Variants in MPHOSPH10 observed in about 807,000 individuals in gnomAD.
The protein encoded by MPHOSPH10 is M-phase phosphoprotein 10, also known as U3 small nucleolar ribonucleoprotein MPP10.
A neutral mutation model predicts 77.3 loss-of-function variants in MPHOSPH10; 33 were observed. The observed-to-expected ratio is 0.43, with a 90% confidence interval of 0.32 to 0.57. The LOEUF is 0.57. Ranked by LOEUF, MPHOSPH10 falls within the 20% of genes least tolerant of loss-of-function variation. MPHOSPH10 has a pLI of 0.07. For synonymous variants in MPHOSPH10, 245 were observed against 268.0 expected, an observed-to-expected ratio of 0.91 and a Z score of 0.84; for missense variants, 708 against 780.1, an observed-to-expected ratio of 0.91 and a Z score of 1.10.
intron 6 of MPHOSPH10, among the ~76,000 whole-genome samples, chr2:71,140,802 G>A (rs1236858289): frequency 6.6e-6 from 1 of 152,144 alleles, no homozygotes. Context: ...GGTTTAAAGG[G>A]TGAGTATCAT....
chr2:71,131,300 G>A (rs890507195), intron 1 of MPHOSPH10, among the ~76,000 whole-genome samples: 1 of 152,200 alleles, frequency 6.6e-6, no homozygotes, highest in African/African-American at 2.4e-5. Flanking sequence ...AGCAACTACA[G>A]ACTGAGCTTA....
At chr2:71,141,876 GA>G (rs1397206701) in intron 7 of MPHOSPH10, among the ~76,000 whole-genome samples, 1 of 151,758 alleles carries the variant, frequency 6.6e-6, no homozygotes, top group Non-Finnish European at 1.5e-5. Flanking sequence ...CTAAAAATAC[GA>G]AAAAATTAGA....
intron 6 of MPHOSPH10, among the ~76,000 whole-genome samples, chr2:71,140,262 T>G (rs746880422): frequency 3.3e-5 from 5 of 152,162 alleles, no homozygotes; most frequent in Non-Finnish European, 5.9e-5. Context: ...GCTGGGTGAC[T>G]TAAAAGGAAT....
At chr2:71,145,440 C>G (rs1463229702) in intron 8 of MPHOSPH10, among the ~76,000 whole-genome samples, 1 of 151,900 alleles carries the variant, frequency 6.6e-6, no homozygotes, top group East Asian at 1.9e-4. Flanking sequence ...CTAGGTGATT[C>G]CCATGCAAAT....
At chr2:71,135,284 G>A (rs377438755) in intron 4 of MPHOSPH10, among the ~76,000 whole-genome samples, 81 of 152,180 alleles carry the variant, frequency 5.3e-4, no homozygotes, top group African/African-American at 1.9e-3. Context: ...GGTGGCTCAT[G>A]CCTGTAATCC....
intron 6 of MPHOSPH10, 84 bp downstream of exon 6, chr2:71,139,946 T>C (rs1673579676): frequency 3.1e-6 from 3 of 956,072 alleles, no homozygotes; most frequent in Admixed American, 2.0e-5. Context: ...AGTAGGACTA[T>C]TGCTTTTTAT....
Position 71,133,107 on chromosome 2 carries a change from A to T in MPHOSPH10, c.299A>T (p.Asn100Ile). The T allele has an allele frequency of 6.2e-7, 1 of 1,614,208 alleles. No homozygotes were observed. Among genetic ancestry groups the T allele is most frequent in the Non-Finnish European group, 8.5e-7 (1 of 1,180,026 alleles). The change falls in exon 2 of 11, where the codon AAT (asparagine) becomes ATT (isoleucine). Residue 100 changes from asparagine (N) to isoleucine (I), a missense_variant. Physicochemically the swap from Asn to Ile is moderately radical, Grantham distance 149 (BLOSUM62 -3). This residue lies in a region of MPHOSPH10 where 433 missense variants were observed against 432.6 expected (regional missense o/e 1.00). Coordinates refer to ENST00000244230, the MANE Select transcript of MPHOSPH10 (RefSeq NM_005791.3). ...YFQNAVSETI[N>I]DEDISLLPES... ...CAGAATGCAGTTAGTGAAACAATTA[A>T]TGATGAAGATATCAGTCTTCTCCCA...
intron 8 of MPHOSPH10, among the ~76,000 whole-genome samples, chr2:71,145,117 A>C (rs532380723): frequency 2.0e-5 from 3 of 152,176 alleles, no homozygotes; most frequent in Admixed American, 2.0e-4. Flanking sequence ...CAGCCCTCTC[A>C]AATGCTCCTC....
intron 5 of MPHOSPH10, 56 bp downstream of exon 5, chr2:71,138,687 C>T: frequency 6.2e-7 from 1 of 1,608,104 alleles, no homozygotes; most frequent in South Asian, 1.1e-5. Flanking sequence ...GGTTCCATTT[C>T]ATACAAAGAT....
In MPHOSPH10 at chr2:71,133,954, A is replaced by G. The variant is rs1673437029; in HGVS notation, c.775A>G (p.Lys259Glu). 1.9e-6 allele frequency: 3 copies of G among 1,563,726 alleles called. No individual in the cohort carries two copies. Among genetic ancestry groups the G allele is most frequent in the Non-Finnish European group, 2.6e-6 (3 of 1,152,626 alleles). The change falls in exon 3 of 11, where the codon AAA becomes GAA. Residue 259 changes from lysine (K) to glutamate (E), a missense_variant. This residue lies in a region of MPHOSPH10 where 433 missense variants were observed against 432.6 expected (regional missense o/e 1.00). Transcript: ENST00000244230. Reference protein sequence around the residue: ...LFGSKKLKSGKSSRNLKYKDF... With the variant: ...LFGSKKLKSGESSRNLKYKDF... ...TAATATCTTTTTATTTTAGTCAGGTAAAAGTTCCAGAAATCTGAAATACAA... is the reference window on the plus strand; with the variant it reads ...TAATATCTTTTTATTTTAGTCAGGTGAAAGTTCCAGAAATCTGAAATACAA...
intron 6 of MPHOSPH10, 128 bp downstream of exon 6, chr2:71,139,990 C>A: frequency 1.5e-6 from 1 of 650,962 alleles, no homozygotes. Flanking sequence ...TAAATCTAGG[C>A]TACCTAGTCA....
At chr2:71,142,619 C>T (rs1413896070) in intron 7 of MPHOSPH10, among the ~76,000 whole-genome samples, 3 of 152,126 alleles carry the variant, frequency 2.0e-5, no homozygotes, top group African/African-American at 7.2e-5. Context: ...TAATGTGGCT[C>T]AGAAAAATGC....
intron 1 of MPHOSPH10, 189 bp downstream of exon 1, chr2:71,130,943 ATC>A: frequency 5.1e-6 from 3 of 589,136 alleles, no homozygotes; most frequent in Non-Finnish European, 8.9e-6. Flanking sequence ...GTATAGATGG[ATC>A]TCTCAGTTGA....
intron 1 of MPHOSPH10, among the ~76,000 whole-genome samples, chr2:71,132,645 A>G (rs1314030837): frequency 6.6e-6 from 1 of 152,214 alleles, no homozygotes; most frequent in East Asian, 1.9e-4. Flanking sequence ...TTAATTCACT[A>G]TATATCTCCA....
rs1673625144 is a variant in MPHOSPH10 at position 71,142,065 on chromosome 2, G to A, written c.1446+696G>A. 2.0e-5 allele frequency among the ~76,000 whole-genome samples: 3 copies of A among 152,130 alleles called. No homozygotes were observed. The South Asian group carries it at 6.2e-4, about 32-fold the overall frequency. On this transcript the variant is annotated intron_variant, in intron 7 of 10. Coordinates refer to ENST00000244230, the MANE Select transcript of MPHOSPH10 (RefSeq NM_005791.3). ...AAAGAAAGAAAGGAAGAAATCGCTG[G>A]TTAAATAATAGGACAAGGTCCTATT... is the stretch of plus-strand genomic sequence containing the variant.
rs777273411 is a variant in MPHOSPH10 at position 71,149,455 on chromosome 2, T to C, written c.1896+2T>C. The C allele has an allele frequency of 6.2e-7, 1 of 1,612,134 alleles. No individual in the cohort carries two copies. Among genetic ancestry groups the C allele is most frequent in the South Asian group, 1.1e-5 (1 of 90,580 alleles). The stretch of plus-strand genomic sequence containing the variant: ...ACTGGCAAAGCTTCCTTCATAAAGG[T>C]AAGGACAAGGGAAAGAAAACTGCTC... On this transcript the variant is annotated splice_donor_variant, in intron 10 of 10. Coordinates refer to ENST00000244230, the MANE Select transcript of MPHOSPH10 (RefSeq NM_005791.3). LOFTEE classifies it high-confidence loss of function.
rs1673420839 is a variant in MPHOSPH10, at chr2:71,133,210, G to A, written c.402G>A (p.Glu134=). ...ACAAGGAGGACCTAGAAGATTTAGAGGAGGAGGAAGTGTCCGACATGGGTA... is the reference window on the plus strand; with the variant it reads ...ACAAGGAGGACCTAGAAGATTTAGAAGAGGAGGAAGTGTCCGACATGGGTA... ...ADDKEDLEDL[E]EEEVSDMGND... The change falls in exon 2 of 11, where the codon GAG becomes GAA. Residue 134 remains glutamate (E), a synonymous_variant. Transcript: ENST00000244230. 1 of 1,614,162 alleles carries A rather than the reference G, an allele frequency of 6.2e-7. No individual in the cohort carries two copies. Among genetic ancestry groups the A allele is most frequent in the Non-Finnish European group, 8.5e-7 (1 of 1,180,018 alleles).
intron 4 of MPHOSPH10, among the ~76,000 whole-genome samples, chr2:71,138,149 T>C (rs1673531517): frequency 6.6e-6 from 1 of 152,180 alleles, no homozygotes; most frequent in Non-Finnish European, 1.5e-5. Context: ...AGGGTCAGAC[T>C]CCATCAGATA....
chr2:71,142,940 G>A (rs1673638220), intron 7 of MPHOSPH10, among the ~76,000 whole-genome samples: 2 of 152,052 alleles, frequency 1.3e-5, no homozygotes, highest in Non-Finnish European at 2.9e-5. Flanking sequence ...TAAGCATTTG[G>A]GGCCAAAGGG....
Sources: gnomAD v4.1 joint callset for allele counts (sites outside exome capture counted in the v4.1 genomes callset) on GRCh38, gnomAD v4.1.1 for gene constraint, gnomAD v4.1.1 regional missense constraint, MANE v1.5 for transcripts, NCBI Gene and HGNC (gene_info 2026-07-23, HGNC 2026-07-21) for gene names.